SF3B3: variants seen among roughly 807,000 people sequenced by gnomAD.
SF3B3 encodes splicing factor 3b subunit 3.
SF3B3 carries 33 observed loss-of-function variants against 139.2 expected under a neutral mutation model. That is an observed-to-expected ratio of 0.24 (90% confidence interval 0.18 to 0.32). SF3B3 has a LOEUF of 0.32. Ranked by LOEUF, SF3B3 falls within the 10% of genes least tolerant of loss-of-function variation. SF3B3 has a pLI of 1.00. For missense variants in SF3B3, 818 were observed against 1,509.4 expected (o/e 0.54, Z 7.59); for synonymous variants, 596 against 563.6 (o/e 1.06, Z -0.81).
chr16:70,529,556 T>G, intron 3 of SF3B3: 1 of 233,182 alleles, frequency 4.3e-6, no homozygotes, highest in Non-Finnish European at 8.5e-6. Context: ...TGATAAATTC[T>G]TGAAGAAAAT....
At chr16:70,531,069 A>T in intron 4 of SF3B3, 152 bp downstream of exon 4, 8 of 671,020 alleles carry the variant, frequency 1.2e-5, no homozygotes. Context: ...GATCGAGACC[A>T]TTCTGGCTAA....
In SF3B3 at chr16:70,526,651, G is replaced by A; in HGVS notation, c.-6G>A. On this transcript the variant is annotated 5_prime_UTR_variant, in exon 2 of 26. Coordinates refer to ENST00000302516, the MANE Select transcript of SF3B3 (RefSeq NM_012426.5). ...GAGGTCTGGGTGGCTCAGGTTTCCTGCAGCCATGTTTCTGTACAACTTAAC... is the reference window on the plus strand; with the variant it reads ...GAGGTCTGGGTGGCTCAGGTTTCCTACAGCCATGTTTCTGTACAACTTAAC... 2 of 1,612,544 alleles carry A rather than the reference G, an allele frequency of 1.2e-6. No homozygotes were observed. Among genetic ancestry groups the A allele is most frequent in the Non-Finnish European group, 1.7e-6 (2 of 1,178,770 alleles).
rs1231724455 is a variant in SF3B3, at chr16:70,575,807, T to C, written c.*3994T>C. On this transcript the variant is annotated 3_prime_UTR_variant, in exon 26 of 26. Transcript: ENST00000302516. ...GTCCCAAGTCTGAAAAATGAAGAGG[T>C]GGGGAGTGGGCAGCAGGGGTTTTAG... is the stretch of plus-strand genomic sequence containing the variant. 4 of 151,858 alleles carry C rather than the reference T, an allele frequency of 2.6e-5. No homozygotes were observed. Among genetic ancestry groups the C allele is most frequent in the Non-Finnish European group, 4.4e-5 (3 of 67,968 alleles). The allele number at this position is 151,858 out of a possible 1,614,324, so 9.4% of individuals were successfully genotyped here.
chr16:70,527,647 G>T (rs181710015), intron 2 of SF3B3, among the ~76,000 whole-genome samples: 2 of 152,206 alleles, frequency 1.3e-5, no homozygotes, highest in Admixed American at 1.3e-4. Flanking sequence ...ACGTATATGG[G>T]AATTTGGAGA....
At position 70,567,405 on chromosome 16, in the gene SF3B3, CTA is replaced by C. The variant is rs767583999; in HGVS notation, c.2827-3_2827-2del. Reference sequence around the variant, plus strand: ...AATAGCTGTATTACCTGCTTTTCCTCTATAGACTCCTGTGGAAGAGGTCCCTG... The same window carrying C: ...AATAGCTGTATTACCTGCTTTTCCTCTAGACTCCTGTGGAAGAGGTCCCTG... On this transcript the variant is annotated splice_polypyrimidine_tract_variant and splice_region_variant and intron_variant, in intron 20 of 25. Transcript: ENST00000302516. 53 of 1,611,918 alleles carry C rather than the reference CTA, an allele frequency of 3.3e-5. No homozygotes were observed. Among genetic ancestry groups the C allele is most frequent in the Non-Finnish European group, 4.3e-5 (51 of 1,179,242 alleles).
At chr16:70,534,480 G>C (rs2050148520) in intron 5 of SF3B3, among the ~76,000 whole-genome samples, 1 of 152,062 alleles carries the variant, frequency 6.6e-6, no homozygotes, top group Non-Finnish European at 1.5e-5. Context: ...AAGAGATACT[G>C]GTAGCTGCTA....
chr16:70,550,624 A>C (rs2050315286), intron 11 of SF3B3: 1 of 985,202 alleles, frequency 1.0e-6, no homozygotes, highest in Admixed American at 6.1e-5. Flanking sequence ...CACTACCAAT[A>C]CCAAGCCTTT....
Position 70,532,340 on chromosome 16 carries a change from GT to G in SF3B3, c.571-138del, listed in dbSNP as rs2050129246. 9.6e-6 allele frequency: 5 copies of G among 523,256 alleles called. No individual in the cohort carries two copies. The East Asian group carries it at 1.9e-4, about 20-fold the overall frequency. 32.4% of individuals were successfully genotyped at this position (523,256 alleles called of 1,614,324 possible). On this transcript the variant is annotated intron_variant, in intron 4 of 25. Coordinates refer to ENST00000302516, the MANE Select transcript of SF3B3 (RefSeq NM_012426.5). ...TGTGCACTGCAGCCTGGGTGACATAGTGAGAACCTGTCTCTCCAAAAAAAAA... is the reference window on the plus strand; with the variant it reads ...TGTGCACTGCAGCCTGGGTGACATAGGAGAACCTGTCTCTCCAAAAAAAAA...
Position 70,563,965 on chromosome 16 carries a change from A to T in SF3B3, c.2378A>T (p.Glu793Val). The T allele has an allele frequency of 6.2e-7, 1 of 1,614,218 alleles. No homozygotes were observed. The highest frequency in any genetic ancestry group is 1.1e-5 in the South Asian group (1 of 91,082). ...CCCAGGAAATTTGTCATCCACCCTG[A>T]GAGTAACAACCTTATTATCATTGAA... ...YTPRKFVIHP[E>V]SNNLIIIETD... Residue 793 changes from glutamate (E) to valine (V), a missense_variant, in exon 18 of 26, where the codon GAG (glutamate) becomes GTG (valine). By Grantham distance (121) the Glu-to-Val change is moderately radical. Transcript: ENST00000302516.
intron 20 of SF3B3, chr16:70,565,762 C>G (rs2050469798): frequency 6.6e-6 from 3 of 457,520 alleles, no homozygotes; most frequent in Non-Finnish European, 1.2e-5. Context: ...TTCAATTGGT[C>G]TCTTTCTTAC....
chr16:70,565,674 T>C (rs1400765677), intron 20 of SF3B3, 150 bp downstream of exon 20: 8 of 683,052 alleles, frequency 1.2e-5, no homozygotes, highest in African/African-American at 9.0e-5. Flanking sequence ...GCCTTCTAGC[T>C]GCAGTGATGT....
chr16:70,561,390 G>A (rs2050427722), intron 16 of SF3B3: 1 of 454,358 alleles, frequency 2.2e-6, no homozygotes, highest in African/African-American at 2.0e-5. Flanking sequence ...CGTGGAAGCA[G>A]GCTTAGAGAG....
rs1241795604 is a variant in SF3B3 at position 70,561,743 on chromosome 16, G to A, written c.2247G>A (p.Gln749=). 6.2e-7 allele frequency: 1 copy of A among 1,613,694 alleles called. No homozygotes were observed. The highest frequency in any genetic ancestry group is 8.5e-7 in the Non-Finnish European group (1 of 1,179,662). The stretch of plus-strand genomic sequence containing the variant: ...TTGCATCGGGTTTTGCCTCGGAACA[G>A]TGTCCCGAGGGCATTGTGGCCATCT... ...LEFASGFASE[Q]CPEGIVAIST... The change falls in exon 17 of 26, where the codon CAG becomes CAA. Residue 749 remains glutamine, a synonymous_variant. Coordinates refer to ENST00000302516, the MANE Select transcript of SF3B3 (RefSeq NM_012426.5).
At chr16:70,568,931 C>A (rs1597725089) in intron 22 of SF3B3, 112 bp from the exon 23 acceptor site, 1 of 691,820 alleles carries the variant, frequency 1.4e-6, no homozygotes, top group Non-Finnish European at 2.5e-6. Flanking sequence ...AGGCCTCTGT[C>A]TAGGCAGTGC....
chr16:70,548,733 G>A (rs891954222), intron 11 of SF3B3, among the ~76,000 whole-genome samples: 1 of 152,152 alleles, frequency 6.6e-6, no homozygotes, highest in African/African-American at 2.4e-5. Flanking sequence ...ATTCATAAAG[G>A]TACTGGTTTC....
At chr16:70,569,177 CT>C in intron 23 of SF3B3, 36 bp downstream of exon 23, 3 of 1,434,968 alleles carry the variant, frequency 2.1e-6, no homozygotes, top group Non-Finnish European at 2.9e-6. Context: ...GAGAACACTG[CT>C]TAGCACTTTT....
chr16:70,568,528 A>C, intron 22 of SF3B3, 33 bp downstream of exon 22: 4 of 1,554,360 alleles, frequency 2.6e-6, no homozygotes, highest in Non-Finnish European at 3.5e-6. Context: ...GGTTACAGTG[A>C]TGTGTAGGAA....
intron 23 of SF3B3, among the ~76,000 whole-genome samples, chr16:70,569,430 A>G (rs113156067): frequency 8.5e-5 from 13 of 152,250 alleles, no homozygotes; most frequent in African/African-American, 2.9e-4. Context: ...GGGCAAATCT[A>G]TTTTAGAAGA....
At chr16:70,543,314 G>A (rs1289905422) in intron 9 of SF3B3, among the ~76,000 whole-genome samples, 1 of 151,900 alleles carries the variant, frequency 6.6e-6, no homozygotes, top group Non-Finnish European at 1.5e-5. Flanking sequence ...GGAGGCCGAG[G>A]CAAGAGAATC....
Sources: gnomAD v4.1 joint callset for allele counts (sites outside exome capture counted in the v4.1 genomes callset) on GRCh38, gnomAD v4.1.1 for gene constraint, MANE v1.5 for transcripts, NCBI Gene and HGNC (gene_info 2026-07-23, HGNC 2026-07-21) for gene names.